The following DPYSL3 variants were observed in gnomAD, a reference collection of about 807,000 sequenced individuals.
DPYSL3 encodes dihydropyrimidinase-related protein 3.
A neutral mutation model predicts 66.1 loss-of-function variants in DPYSL3; 16 were observed. The observed-to-expected ratio is 0.24, with a 90% CI of 0.16 to 0.37. The LOEUF (loss-of-function observed/expected upper bound fraction) is 0.37, where lower values mean the gene tolerates loss of function less well. Among genes scored for constraint, DPYSL3 ranks in the 10% least tolerant of loss-of-function variants. The pLI is 1.00. For missense variants in DPYSL3, 738 were observed against 916.2 expected (o/e 0.81, Z 2.51); for synonymous variants, 338 against 345.1 (o/e 0.98, Z 0.23).
intron 1 of DPYSL3, among the ~76,000 whole-genome samples, chr5:147,472,463 G>C (rs1158216971): frequency 6.6e-6 from 1 of 152,154 alleles, no homozygotes; most frequent in Non-Finnish European, 1.5e-5. Context: ...TTCTTCAGTG[G>C]AGAATTCTTT....
intron 1 of DPYSL3, among the ~76,000 whole-genome samples, chr5:147,459,382 T>C (rs1162627836): frequency 1.3e-5 from 2 of 152,212 alleles, no homozygotes; most frequent in Non-Finnish European, 2.9e-5. Flanking sequence ...TAGGCTGTTC[T>C]TATATTACAT....
chr5:147,413,081 C>A (rs1456161899), intron 5 of DPYSL3, among the ~76,000 whole-genome samples: 1 of 152,152 alleles, frequency 6.6e-6, no homozygotes, highest in Non-Finnish European at 1.5e-5. Context: ...AAAACTGAAA[C>A]CCTTATCTCT....
chr5:147,394,910 C>T (rs1388690731), intron 13 of DPYSL3, among the ~76,000 whole-genome samples: 1 of 152,150 alleles, frequency 6.6e-6, no homozygotes, highest in African/African-American at 2.4e-5. Context: ...ACTTCCTTCA[C>T]ATTTAAATTA....
chr5:147,488,929 C>A (rs905541344), intron 1 of DPYSL3, among the ~76,000 whole-genome samples: 11 of 151,582 alleles, frequency 7.3e-5, no homozygotes, highest in Admixed American at 6.6e-4. Context: ...GCAGGAGAAC[C>A]GCTTGAACCC....
chr5:147,443,153 C>T (rs1473788391), intron 1 of DPYSL3, among the ~76,000 whole-genome samples: 1 of 152,100 alleles, frequency 6.6e-6, no homozygotes, highest in Non-Finnish European at 1.5e-5. Context: ...TGGGTATATA[C>T]CCAAAGAAAT....
At chr5:147,445,641 T>G (rs1354585157) in intron 1 of DPYSL3, among the ~76,000 whole-genome samples, 1 of 152,176 alleles carries the variant, frequency 6.6e-6, no homozygotes, top group East Asian at 1.9e-4. Context: ...TTATTTCCAT[T>G]GGATGGCAGC....
chr5:147,461,798 G>C (rs79974281), intron 1 of DPYSL3, among the ~76,000 whole-genome samples: 4,988 of 152,130 alleles, frequency 0.033, 290 homozygotes, highest in African/African-American at 0.11. Context: ...CCACCTAGCA[G>C]TCATTTTCAC....
chr5:147,412,672 G>T lies in DPYSL3; in HGVS notation c.899C>A (p.Thr300Asn). 6.2e-7 allele frequency: 1 copy of T among 1,612,070 alleles called. No homozygotes were observed. Among genetic ancestry groups the T allele is most frequent in the Non-Finnish European group, 8.5e-7 (1 of 1,179,074 alleles). The change falls in exon 6 of 14, where the codon ACC (threonine) becomes AAC (asparagine). Residue 300 changes from threonine to asparagine, a missense_variant. Coordinates refer to ENST00000343218, the MANE Select transcript of DPYSL3 (RefSeq NM_001197294.2). ...VSNTELYEIF[T>N]CLGELGAIAQ... ...AATGGCCCCCAGCTCTCCCAGGCAG[G>T]TGAAGATCTCATAGAGCTGAAATAG...
chr5:147,409,203 G>C (rs1460807102), intron 6 of DPYSL3, among the ~76,000 whole-genome samples: 1 of 152,206 alleles, frequency 6.6e-6, no homozygotes, highest in African/African-American at 2.4e-5. Flanking sequence ...CCTAGGCTCT[G>C]GGTAAGTACC....
At chr5:147,466,476 A>G (rs1199635999) in intron 1 of DPYSL3, among the ~76,000 whole-genome samples, 1 of 152,176 alleles carries the variant, frequency 6.6e-6, no homozygotes, top group Non-Finnish European at 1.5e-5. Flanking sequence ...CACAAGACTG[A>G]ATCCCGGAAC....
intron 1 of DPYSL3, among the ~76,000 whole-genome samples, chr5:147,461,964 C>A (rs1185704861): frequency 2.0e-5 from 3 of 152,044 alleles, no homozygotes; most frequent in Non-Finnish European, 2.9e-5. Context: ...GAGAGTAAAT[C>A]AAAAAATTTG....
intron 1 of DPYSL3, among the ~76,000 whole-genome samples, chr5:147,466,451 C>T (rs984996774): frequency 2.0e-5 from 3 of 152,190 alleles, no homozygotes; most frequent in Admixed American, 6.5e-5. Flanking sequence ...ACTCCACCAG[C>T]ACTGAGCCCT....
chr5:147,423,169 A>G (rs1752118442), intron 2 of DPYSL3, among the ~76,000 whole-genome samples: 1 of 152,212 alleles, frequency 6.6e-6, no homozygotes. Context: ...ATAGAAAAAC[A>G]TAAAATCAAT....
Position 147,509,364 on chromosome 5 carries a change from C to A in DPYSL3, c.381+114G>T, listed in dbSNP as rs1753725314. ...AGTGGAGGATGACCCTTTCCTCCTC[C>A]TTGTCCCCCAGCCCCGTGCAAAGTG... On this transcript the variant is annotated intron_variant, in intron 1 of 13. Coordinates refer to ENST00000343218, the MANE Select transcript of DPYSL3 (RefSeq NM_001197294.2). This position sits in a 1 kb window ranked among gnomAD's most constrained non-coding sequence, Gnocchi z 5.3. 7.4e-7 allele frequency: 1 copy of A among 1,355,552 alleles called. No homozygotes were observed. Among genetic ancestry groups the A allele is most frequent in the African/African-American group, 1.5e-5 (1 of 67,592 alleles). The allele number at this position is 1,355,552 out of a possible 1,614,324, so 84.0% of individuals were successfully genotyped here. A position where few individuals can be genotyped will look rare whatever the true frequency, so the allele number is the denominator to read the frequency against.
intron 1 of DPYSL3, among the ~76,000 whole-genome samples, chr5:147,489,039 G>GA (rs1222310879): frequency 6.6e-6 from 1 of 151,586 alleles, no homozygotes; most frequent in Non-Finnish European, 1.5e-5. Context: ...AAAAAGAAAA[G>GA]AAAAAATATA....
intron 1 of DPYSL3, among the ~76,000 whole-genome samples, chr5:147,445,193 G>C (rs1240340894): frequency 6.6e-6 from 1 of 152,194 alleles, no homozygotes; most frequent in Non-Finnish European, 1.5e-5. Flanking sequence ...AATGAGCCCA[G>C]ATGCAGAAGC....
At position 147,408,742 on chromosome 5, in the gene DPYSL3, T is replaced by A. The variant is rs1751780112; in HGVS notation, c.1018A>T (p.Ser340Cys). Reference protein sequence around the residue: ...GITGPEGHVLSRPEELEAEAV... With the variant: ...GITGPEGHVLCRPEELEAEAV... ...CTGTAACTTACCTCTTCTGGCCTGC[T>A]CAGTACATGGCCTTCTGGGCCAGTT... The change falls in exon 7 of 14, where the codon AGC (serine) becomes TGC (cysteine). Residue 340 changes from serine to cysteine, a missense_variant. Coordinates refer to ENST00000343218, the MANE Select transcript of DPYSL3 (RefSeq NM_001197294.2). 2 of 1,614,234 alleles carry A rather than the reference T, an allele frequency of 1.2e-6. No individual in the cohort carries two copies. The highest frequency in any genetic ancestry group is 8.5e-7 in the Non-Finnish European group (1 of 1,180,034).
Position 147,509,594 on chromosome 5 carries a change from C to G in DPYSL3, c.265G>C (p.Gly89Arg), listed in dbSNP as rs1050673278. 2.6e-6 allele frequency: 4 copies of G among 1,535,488 alleles called. No homozygotes were observed. Among genetic ancestry groups the G allele is most frequent in the East Asian group, 2.4e-5 (1 of 40,858 alleles). ...PGIEGDTPRR[G>R]QGREESREPA... The stretch of plus-strand genomic sequence containing the variant: ...TCCCTGCTCTCTTCCCGGCCTTGGC[C>G]CCTGCGCGGGGTGTCCCCCTCGATC... The change falls in exon 1 of 14, where the codon GGC (glycine) becomes CGC (arginine). Residue 89 changes from glycine (G) to arginine (R), a missense_variant. Transcript: ENST00000343218. The surrounding 1 kb of genome is among the most constrained non-coding windows in gnomAD (Gnocchi z 5.3).
chr5:147,494,880 A>AAATAAT (rs34805887), intron 1 of DPYSL3, among the ~76,000 whole-genome samples: 2,580 of 142,426 alleles, frequency 0.018, 79 homozygotes, highest in African/African-American at 0.057. Context: ...CTCCATCTCA[A>AAATAAT]AATAATAATA....
Sources: gnomAD v4.1 joint callset for allele counts (sites outside exome capture counted in the v4.1 genomes callset) on GRCh38, gnomAD v4.1.1 for gene constraint, Gnocchi (gnomAD v3.1) non-coding constraint, MANE v1.5 for transcripts, NCBI Gene and HGNC (gene_info 2026-07-23, HGNC 2026-07-21) for gene names.